The following ABCA4 variants were observed in gnomAD, a reference collection of about 807,000 sequenced individuals.
The protein encoded by ABCA4 is retinal-specific phospholipid-transporting ATPase ABCA4.
ABCA4 carries 196 observed loss-of-function variants against 263.7 expected under a neutral mutation model. That is an observed-to-expected ratio of 0.74 (90% confidence interval 0.66 to 0.84). ABCA4 has a LOEUF of 0.84. Among genes scored for constraint, ABCA4 ranks in the 40% least tolerant of loss-of-function variants. ABCA4 has a pLI of 0.00. For missense variants in ABCA4, 2,792 were observed against 2,855.1 expected (o/e 0.98, Z 0.50); for synonymous variants, 1,133 against 1,094.2 (o/e 1.04, Z -0.70).
At chr1:94,041,079 A>G in intron 23 of ABCA4, 130 bp downstream of exon 23, 3 of 967,744 alleles carry the variant, frequency 3.1e-6, no homozygotes, top group Admixed American at 3.9e-5. Context: ...ATCTTCTGCA[A>G]ATGGTCCCAG....
At chr1:94,002,025 G>A in intron 44 of ABCA4, 33 bp from the exon 45 acceptor site, 1 of 1,614,040 alleles carries the variant, frequency 6.2e-7, no homozygotes, top group Non-Finnish European at 8.5e-7. Context: ...ATTTGGAGAA[G>A]ACAAGCAAAC....
chr1:94,026,854 C>T (rs1660051133), intron 30 of ABCA4, among the ~76,000 whole-genome samples: 1 of 151,942 alleles, frequency 6.6e-6, no homozygotes, highest in African/African-American at 2.4e-5. Context: ...TGGACTTATT[C>T]CAGGCTGAAT....
intron 13 of ABCA4, among the ~76,000 whole-genome samples, chr1:94,062,021 T>C (rs1156770825): frequency 1.3e-5 from 2 of 152,102 alleles, no homozygotes; most frequent in African/African-American, 4.8e-5. Context: ...CTTGCTTGGC[T>C]TATTCCTGGT....
In ABCA4 at chr1:94,119,364, C is replaced by T. The variant is rs190547415; in HGVS notation, c.66+1616G>A. On this transcript the variant is annotated intron_variant, in intron 1 of 49. Transcript: ENST00000370225. The stretch of plus-strand genomic sequence containing the variant: ...CAAGTCAGGTTTAACTTGTCTCTTC[C>T]CCCTGCAGCCTCCCTGCGTCCTGGG... Among the ~76,000 whole-genome samples the T allele has an allele frequency of 9.2e-3, 1,406 of 152,288 alleles. 10 individuals are homozygous for T. The highest frequency in any genetic ancestry group is 0.013 in the Non-Finnish European group (910 of 68,018).
At chr1:94,115,445 C>A (rs72962308) in intron 1 of ABCA4, among the ~76,000 whole-genome samples, 8,559 of 152,218 alleles carry the variant, frequency 0.056, 232 homozygotes, top group East Asian at 0.087. Context: ...GTTTTGTCCT[C>A]TCTGAAATGG....
In ABCA4 at chr1:94,111,471, G is replaced by A; in HGVS notation, c.269C>T (p.Ser90Phe). ...PCFQSPTPGE[S>F]PGIVSNYNNS... ...GTTATAGTTTGACACAATTCCAGGA[G>A]ATTCTCCTGGGGTGGGGCTTTGAAA... is the stretch of plus-strand genomic sequence containing the variant. The change falls in exon 3 of 50, where the codon TCT (serine) becomes TTT (phenylalanine). Residue 90 changes from serine (S) to phenylalanine (F), a missense_variant. Coordinates refer to ENST00000370225, the MANE Select transcript of ABCA4 (RefSeq NM_000350.3). The A allele has an allele frequency of 6.2e-7, 1 of 1,614,198 alleles. No homozygotes were observed. The highest frequency in any genetic ancestry group is 8.5e-7 in the Non-Finnish European group (1 of 1,180,016).
chr1:94,037,415 C>T lies in ABCA4; in HGVS notation c.3608-65G>A, dbSNP rs981867222. ...AGAAACTGGAAGACTGTGAGGTTAC[C>T]CAGATTTCCTACTTCTCTCCACTTC... On this transcript the variant is annotated intron_variant, in intron 24 of 49. Coordinates refer to ENST00000370225, the MANE Select transcript of ABCA4 (RefSeq NM_000350.3). The T allele has an allele frequency of 3.4e-6, 5 of 1,477,052 alleles. No homozygotes were observed. The South Asian group carries it at 3.4e-5, about 10-fold the overall frequency. The allele number at this position is 1,477,052 out of a possible 1,614,324, so 91.5% of individuals were successfully genotyped here.
In ABCA4 at chr1:94,021,945, TC is replaced by T; in HGVS notation, c.4673del (p.Gly1558GlufsTer23). On this transcript the variant is annotated frameshift_variant, in exon 33 of 50. Transcript: ENST00000370225. LOFTEE classifies it high-confidence loss of function. ...SKFWVNEQRY[G>X]GISIGGKLPV... ...GGAGCTTTCCTCCAATGGAAATTCCTCCATACCTGACAAGGAAACAGGAAAT... is the reference window on the plus strand; with the variant it reads ...GGAGCTTTCCTCCAATGGAAATTCCTCATACCTGACAAGGAAACAGGAAAT... 1 of 1,614,022 alleles carries T rather than the reference TC, an allele frequency of 6.2e-7. No homozygotes were observed. Among genetic ancestry groups the T allele is most frequent in the Non-Finnish European group, 8.5e-7 (1 of 1,179,916 alleles).
In ABCA4 at chr1:94,007,865, C is replaced by T. The variant is rs1019219577; in HGVS notation, c.5899-125G>A. The T allele has an allele frequency of 6.1e-5, 51 of 836,678 alleles. 2 individuals carry two copies. Among genetic ancestry groups the T allele is most frequent in the South Asian group, 3.9e-4 (27 of 68,718 alleles). The allele number at this position is 836,678 out of a possible 1,614,324, so 51.8% of individuals were successfully genotyped here. ...AGACCTGGGCTGCCATCAGAGGCCA[C>T]GAGCCATATGTGGCTACTAAGCACT... is the stretch of plus-strand genomic sequence containing the variant. On this transcript the variant is annotated intron_variant, in intron 42 of 49. Coordinates refer to ENST00000370225, the MANE Select transcript of ABCA4 (RefSeq NM_000350.3).
intron 6 of ABCA4, among the ~76,000 whole-genome samples, chr1:94,093,377 G>T (rs1662028335): frequency 6.6e-6 from 1 of 152,164 alleles, no homozygotes; most frequent in South Asian, 2.1e-4. Flanking sequence ...GATTCTCGAA[G>T]GTAATCCTAA....
At chr1:94,019,994 C>T (rs1231469292) in intron 35 of ABCA4, among the ~76,000 whole-genome samples, 1 of 152,062 alleles carries the variant, frequency 6.6e-6, no homozygotes, top group Admixed American at 6.5e-5. Flanking sequence ...TCTAGACAAC[C>T]TTTCTTTTTA....
rs1658918852 is a variant in ABCA4, at chr1:93,993,256, T to A, written c.6817-14A>T. ...GAAAGATCAGTCCTGTGGAAGGAGA[T>A]CACATGGACTCGCGTCATCTTGGTT... On this transcript the variant is annotated splice_polypyrimidine_tract_variant and intron_variant, in intron 49 of 49. Coordinates refer to ENST00000370225, the MANE Select transcript of ABCA4 (RefSeq NM_000350.3). The A allele has an allele frequency of 6.2e-7, 1 of 1,613,746 alleles. No homozygotes were observed.
chr1:93,993,564 G>A (rs563707924), intron 49 of ABCA4, among the ~76,000 whole-genome samples: 7 of 151,842 alleles, frequency 4.6e-5, no homozygotes, highest in African/African-American at 1.7e-4. Context: ...GGTCTTTTGG[G>A]GCTTTTTTAG....
intron 38 of ABCA4, 140 bp downstream of exon 38, chr1:94,014,403 G>C: frequency 1.1e-6 from 1 of 934,412 alleles, no homozygotes; most frequent in South Asian, 1.3e-5. Context: ...AGGAGGCAGG[G>C]TCGGGGGTAG....
intron 22 of ABCA4, among the ~76,000 whole-genome samples, chr1:94,042,071 C>T (rs575637781): frequency 7.1e-6 from 1 of 140,972 alleles, no homozygotes; most frequent in South Asian, 2.2e-4. Context: ...TGCACTCCAG[C>T]CTGCGCGACA....
intron 22 of ABCA4, among the ~76,000 whole-genome samples, chr1:94,041,847 G>C (rs1050320288): frequency 6.6e-6 from 1 of 152,196 alleles, no homozygotes; most frequent in African/African-American, 2.4e-5. Context: ...TGTAATCCCA[G>C]CACTTTGGGA....
chr1:94,029,725 T>C, intron 29 of ABCA4, 94 bp from the exon 30 acceptor site: 1 of 1,192,886 alleles, frequency 8.4e-7, no homozygotes, highest in Non-Finnish European at 1.2e-6. Context: ...TTCCTCCTCC[T>C]CTTTAGACCC....
chr1:94,116,604 G>A (rs1662770171), intron 1 of ABCA4, among the ~76,000 whole-genome samples: 1 of 152,082 alleles, frequency 6.6e-6, no homozygotes, highest in East Asian at 1.9e-4. Context: ...TCACTCCCTG[G>A]TCAAAGACCA....
In ABCA4 at chr1:94,010,980, C is replaced by A; in HGVS notation, c.5585-51G>T. The A allele has an allele frequency of 2.5e-6, 4 of 1,613,724 alleles. No homozygotes were observed. In the South Asian group the frequency reaches 4.4e-5, roughly 18 times the overall value. On this transcript the variant is annotated intron_variant, in intron 39 of 49. Coordinates refer to ENST00000370225, the MANE Select transcript of ABCA4 (RefSeq NM_000350.3). ...ACTTCAGCCGCCCCAGCTCACCCCACAGACCTGGCCACAGCACAGGGCCCA... is the reference window on the plus strand; with the variant it reads ...ACTTCAGCCGCCCCAGCTCACCCCAAAGACCTGGCCACAGCACAGGGCCCA...
Sources: allele counts gnomAD v4.1 joint callset (sites outside exome capture counted in the v4.1 genomes callset), GRCh38; gene constraint gnomAD v4.1.1; transcripts MANE v1.5; gene names NCBI Gene and HGNC (gene_info 2026-07-23, HGNC 2026-07-21).